The following TMPRSS15 variants were observed in gnomAD, a reference collection of about 807,000 sequenced individuals.
TMPRSS15 encodes the protein enteropeptidase.
Under a neutral mutation model 125.3 loss-of-function variants are expected in TMPRSS15, and 128 were observed. The ratio of observed to expected loss-of-function variants is 1.02; its 90% CI spans 0.89 to 1.18. The LOEUF (loss-of-function observed/expected upper bound fraction) is 1.18. TMPRSS15 is among the 50% of genes most tolerant of loss of function. The pLI, the probability that TMPRSS15 is intolerant of heterozygous loss-of-function variation, is 0.00. For synonymous variants in TMPRSS15, 446 were observed against 423.2 expected (o/e 1.05, Z -0.66); for missense variants, 1,283 against 1,212.7 (o/e 1.06, Z -0.86).
chr21:18,299,002 A>G (rs934725073), intron 18 of TMPRSS15, among the ~76,000 whole-genome samples: 1 of 152,216 alleles, frequency 6.6e-6, no homozygotes, highest in African/African-American at 2.4e-5. Flanking sequence ...GGGACAATAG[A>G]TGTCTATTTA....
chr21:18,476,771 A>G (rs2123288197), intron 1 of TMPRSS15, among the ~76,000 whole-genome samples: 1 of 152,314 alleles, frequency 6.6e-6, no homozygotes, highest in East Asian at 1.9e-4. Flanking sequence ...TAGACCACTT[A>G]TAAGGATTTC....
At position 18,279,033 on chromosome 21, in the gene TMPRSS15, C is replaced by T; in HGVS notation, c.2695G>A (p.Glu899Lys). 6.3e-7 allele frequency: 1 copy of T among 1,581,428 alleles called. No individual in the cohort carries two copies. Among genetic ancestry groups the T allele is most frequent in the East Asian group, 2.3e-5 (1 of 43,474 alleles). The change falls in exon 23 of 25, where the codon GAA (glutamate) becomes AAA (lysine). Residue 899 changes from glutamate to lysine, a missense_variant. By Grantham distance (56) the Glu-to-Lys change is moderately conservative (BLOSUM62 1). Transcript: ENST00000284885. ...CCTGGAGGAAAAACTTGATTTTCTT[C>T]CGGTAAACAAATAGGTTGTATGTAA... The part of the protein sequence containing the change: ...TDYIQPICLP[E>K]ENQVFPPGRN...
chr21:18,416,675 G>C (rs567890839), intron 1 of TMPRSS15, among the ~76,000 whole-genome samples: 1 of 151,950 alleles, frequency 6.6e-6, no homozygotes, highest in Non-Finnish European at 1.5e-5. Flanking sequence ...ACTATTTGCA[G>C]CATATTGTAA....
At chr21:18,387,940 TTAA>T (rs1452441689) in intron 3 of TMPRSS15, among the ~76,000 whole-genome samples, 5 of 152,146 alleles carry the variant, frequency 3.3e-5, no homozygotes, top group Non-Finnish European at 5.9e-5. Flanking sequence ...ATTTATAAAG[TTAA>T]TAATGAGTCT....
In TMPRSS15 at chr21:18,369,973, CG is replaced by C. The variant is rs1231299273; in HGVS notation, c.664+2219del. On this transcript the variant is annotated intron_variant, in intron 6 of 24. Transcript: ENST00000284885. ...AAAATAGATATAATACTTACTTAAA[CG>C]AAAAAAAAAAAAAAGAAAATCAAGA... 7.0e-4 allele frequency among the ~76,000 whole-genome samples: 95 copies of C among 135,970 alleles called. 6 individuals carry two copies. Among genetic ancestry groups the C allele is most frequent in the African/African-American group, 1.7e-3 (62 of 36,744 alleles). The allele number at this position is 135,970 out of a possible 152,430, so 89.2% of individuals were successfully genotyped here. A position where few individuals can be genotyped will look rare whatever the true frequency, so the allele number is the denominator to read the frequency against.
intron 15 of TMPRSS15, among the ~76,000 whole-genome samples, chr21:18,327,282 T>C (rs1432237818): frequency 6.6e-6 from 1 of 152,222 alleles, no homozygotes; most frequent in African/African-American, 2.4e-5. Flanking sequence ...ACAGATGAAA[T>C]GATACGTTTT....
At chr21:18,324,229 T>A (rs2075267781) in intron 16 of TMPRSS15, among the ~76,000 whole-genome samples, 7 of 152,196 alleles carry the variant, frequency 4.6e-5, no homozygotes, top group Admixed American at 4.6e-4. Context: ...TTCAGGAATG[T>A]TTATTGTTTT....
In TMPRSS15 at chr21:18,441,562, G is replaced by A. The variant is rs191098771; in HGVS notation, c.11-43233C>T. 2.7e-3 allele frequency among the ~76,000 whole-genome samples: 392 copies of A among 143,210 alleles called. 10 individuals carry two copies. In the East Asian group the frequency reaches 0.066, roughly 24 times the overall value. 94.0% of individuals were successfully genotyped at this position (143,210 alleles called of 152,430 possible). A position where few individuals can be genotyped will look rare whatever the true frequency, so the allele number is the denominator to read the frequency against. ...GCAGATGTTGCAGTGAGCTGAGATC[G>A]TGCCACTGCACCCCAGCCTGGGTGA... On this transcript the variant is annotated intron_variant, in intron 1 of 7. Transcript: ENST00000422787.
At chr21:18,448,806 G>A (rs974841074) in intron 1 of TMPRSS15, among the ~76,000 whole-genome samples, 2 of 151,986 alleles carry the variant, frequency 1.3e-5, no homozygotes, top group Non-Finnish European at 2.9e-5. Flanking sequence ...GCTTTGATGA[G>A]CTATTATATA....
At chr21:18,307,339 T>C (rs1446909526) in intron 18 of TMPRSS15, among the ~76,000 whole-genome samples, 1 of 152,130 alleles carries the variant, frequency 6.6e-6, no homozygotes, top group African/African-American at 2.4e-5. Flanking sequence ...GTTATTTGTC[T>C]CTCTGTATCT....
intron 18 of TMPRSS15, among the ~76,000 whole-genome samples, chr21:18,301,325 C>A (rs1374766356): frequency 6.6e-6 from 1 of 152,108 alleles, no homozygotes; most frequent in Non-Finnish European, 1.5e-5. Context: ...GCACAGTAAA[C>A]AGATTAAAAA....
intron 7 of TMPRSS15, among the ~76,000 whole-genome samples, chr21:18,363,716 G>A (rs1220280049): frequency 6.6e-6 from 1 of 150,952 alleles, no homozygotes; most frequent in East Asian, 1.9e-4. Flanking sequence ...AAGTGATTAT[G>A]TGTGTGTGTG....
Position 18,341,422 on chromosome 21 carries a change from C to A in TMPRSS15, c.1555G>T (p.Glu519Ter). 6.2e-7 allele frequency: 1 copy of A among 1,614,122 alleles called. No homozygotes were observed. ...CATGAAGGTTACTTACTAGGAAGTT[C>A]TGGTGGAGGAGTTGGCACCAAAGTT... Reference protein sequence around the residue: ...EPTLVPTPPPELPTDCGGPFE... With the variant: ...EPTLVPTPPP The change falls in exon 13 of 25, where the codon GAA becomes TAA. Residue 519 changes from glutamate to a stop codon, truncating the protein, a stop_gained. Coordinates refer to ENST00000284885, the MANE Select transcript of TMPRSS15 (RefSeq NM_002772.3). LOFTEE classifies it high-confidence loss of function.
chr21:18,331,035 T>C (rs1175673154), intron 14 of TMPRSS15, among the ~76,000 whole-genome samples: 3 of 135,556 alleles, frequency 2.2e-5, no homozygotes, highest in Non-Finnish European at 4.5e-5. Context: ...ATCGCACCAC[T>C]GCACTCCAGC....
chr21:18,407,817 C>G (rs1054868234), upstream of TMPRSS15, among the ~76,000 whole-genome samples: 6 of 152,068 alleles, frequency 3.9e-5, no homozygotes, highest in African/African-American at 1.4e-4. Context: ...AGATAAAACG[C>G]TTTATGTGAA....
chr21:18,317,834 TATTCCATCCC>T (rs1569004207), intron 16 of TMPRSS15, among the ~76,000 whole-genome samples: 1 of 35,926 alleles, frequency 2.8e-5, no homozygotes, highest in African/African-American at 1.2e-4. Flanking sequence ...TATCCCATCC[TATTCCATCCC>T]ATCCCATCCC....
chr21:18,270,008 G>T lies in TMPRSS15; in HGVS notation c.3021C>A (p.Val1007=). ...LPNRPGVYAR[V]SRFTEWIQSF... is the part of the protein sequence containing the mutation. ...TTTGTATCCATTCGGTAAACCTTGA[G>T]ACCCTGGCATACACTCCGGGGCGAT... is the stretch of plus-strand genomic sequence containing the variant. Residue 1007 remains valine, a synonymous_variant, in exon 25 of 25, where the codon GTC becomes GTA. Transcript: ENST00000284885. 6.2e-7 allele frequency: 1 copy of T among 1,613,874 alleles called. No homozygotes were observed. The highest frequency in any genetic ancestry group is 2.2e-5 in the East Asian group (1 of 44,862).
rs139969849 is a variant in TMPRSS15, at chr21:18,474,689, A to G, written c.10+11110T>C. Reference sequence around the variant, plus strand: ...CTTCAAAGAAGCTAGTAAGAGCTAAATAGCCAAAAGCTGAGAAGATCAGAA... The same window carrying G: ...CTTCAAAGAAGCTAGTAAGAGCTAAGTAGCCAAAAGCTGAGAAGATCAGAA... On this transcript the variant is annotated intron_variant, in intron 1 of 7. Transcript: ENST00000422787. Among the ~76,000 whole-genome samples the G allele has an allele frequency of 9.2e-5, 14 of 152,348 alleles. No homozygotes were observed. The East Asian group carries it at 2.5e-3, about 27-fold the overall frequency.
chr21:18,449,877 GCA>G (rs3082204), intron 1 of TMPRSS15, among the ~76,000 whole-genome samples: 130,716 of 147,600 alleles, frequency 0.89, 58,994 homozygotes, highest in Non-Finnish European at 0.97. Context: ...ACACACACAC[GCA>G]CACACACACA....
Sources: gnomAD v4.1 joint callset for allele counts (sites outside exome capture counted in the v4.1 genomes callset) on GRCh38, gnomAD v4.1.1 for gene constraint, MANE v1.5 for transcripts, NCBI Gene and HGNC (gene_info 2026-07-23, HGNC 2026-07-21) for gene names.